The following GALNT17 variants were observed in gnomAD, a reference collection of about 807,000 sequenced individuals.
GALNT17 encodes the protein polypeptide N-acetylgalactosaminyltransferase 17.
GALNT17 carries 29 observed loss-of-function variants against 63.7 expected under a neutral mutation model. The observed-to-expected ratio is 0.46, with a 90% CI of 0.34 to 0.62. GALNT17 has a LOEUF of 0.62. Ranked by LOEUF, GALNT17 falls within the 20% of genes least tolerant of loss-of-function variation. The probability of loss-of-function intolerance (pLI) is 0.01; values close to 1 mark genes in which losing one functional copy is unlikely to be tolerated. For missense variants in GALNT17, 603 were observed against 799.6 expected (o/e 0.75, Z 2.97); for synonymous variants, 305 against 318.3 (o/e 0.96, Z 0.45).
At chr7:71,352,596 T>C (rs1215920172) in intron 2 of GALNT17, among the ~76,000 whole-genome samples, 1 of 152,172 alleles carries the variant, frequency 6.6e-6, no homozygotes, top group Non-Finnish European at 1.5e-5. Context: ...GGTTGAACAA[T>C]TTATGAATCT....
At chr7:71,334,350 G>A (rs970317399) in intron 1 of GALNT17, among the ~76,000 whole-genome samples, 8 of 152,090 alleles carry the variant, frequency 5.3e-5, no homozygotes, top group Admixed American at 1.3e-4. Context: ...GGGCGCTTCC[G>A]GCTGCCCAGG....
Position 71,188,428 on chromosome 7 carries a change from G to A in GALNT17, c.238+55388G>A, listed in dbSNP as rs538425238. Among the ~76,000 whole-genome samples the A allele has an allele frequency of 2.1e-3, 323 of 152,192 alleles. 1 individual carries two copies. Among genetic ancestry groups the A allele is most frequent in the Admixed American group, 4.7e-3 (72 of 15,252 alleles). On this transcript the variant is annotated intron_variant, in intron 1 of 10. Coordinates refer to ENST00000333538, the MANE Select transcript of GALNT17 (RefSeq NM_022479.3). ...TTTTTTTGATTATGGCGATTCTTGC[G>A]GGAGTCAGGTGGTATCACATTGTGG...
At chr7:71,225,324 C>T (rs934594394) in intron 1 of GALNT17, among the ~76,000 whole-genome samples, 7 of 152,226 alleles carry the variant, frequency 4.6e-5, no homozygotes, top group African/African-American at 1.4e-4. Context: ...TCAGGTAGAG[C>T]ATGCACTAGG....
chr7:71,301,539 G>A (rs978992514), intron 1 of GALNT17, among the ~76,000 whole-genome samples: 8 of 151,504 alleles, frequency 5.3e-5, no homozygotes, highest in African/African-American at 1.9e-4. Flanking sequence ...TGTTAGTCTT[G>A]TAGTCCTTTT....
intron 5 of GALNT17, among the ~76,000 whole-genome samples, chr7:71,566,984 G>A (rs1789359397): frequency 6.6e-6 from 1 of 152,150 alleles, no homozygotes; most frequent in African/African-American, 2.4e-5. Context: ...GTGGCGGCCT[G>A]AGCCCTGAAC....
At chr7:71,674,103 T>A (rs1365343447) in intron 8 of GALNT17, among the ~76,000 whole-genome samples, 1 of 152,230 alleles carries the variant, frequency 6.6e-6, no homozygotes. Flanking sequence ...TTACAAACTT[T>A]CTTTTTAAAA....
At chr7:71,137,578 C>T (rs1181055176) in intron 1 of GALNT17, among the ~76,000 whole-genome samples, 1 of 152,090 alleles carries the variant, frequency 6.6e-6, no homozygotes, top group Non-Finnish European at 1.5e-5. Flanking sequence ...AGGAAATAAC[C>T]TCAAGGCTGT....
chr7:71,668,430 C>T (rs905764316), intron 7 of GALNT17, among the ~76,000 whole-genome samples: 6 of 143,522 alleles, frequency 4.2e-5, no homozygotes, highest in Admixed American at 7.4e-5. Context: ...GCAGGAGAAT[C>T]GCTTGAACCT....
chr7:71,510,562 G>A (rs10243127), intron 5 of GALNT17, among the ~76,000 whole-genome samples: 35,976 of 151,916 alleles, frequency 0.24, 4,379 homozygotes, highest in Middle Eastern at 0.36. Flanking sequence ...GGGAGAACAC[G>A]GAATCCACCC....
chr7:71,479,999 A>ATTC (rs1787788039), intron 5 of GALNT17, among the ~76,000 whole-genome samples: 1 of 152,078 alleles, frequency 6.6e-6, no homozygotes, highest in Admixed American at 6.6e-5. Flanking sequence ...GAGCAGCTCT[A>ATTC]TCCTTTGAGA....
chr7:71,601,641 C>T (rs1011803055), intron 6 of GALNT17, among the ~76,000 whole-genome samples: 3 of 152,002 alleles, frequency 2.0e-5, no homozygotes, highest in African/African-American at 7.3e-5. Flanking sequence ...TATAATTAGC[C>T]AGGCATGGTA....
chr7:71,455,758 TAGG>T (rs1323542384), intron 5 of GALNT17, among the ~76,000 whole-genome samples: 1 of 152,196 alleles, frequency 6.6e-6, no homozygotes, highest in Admixed American at 6.5e-5. Flanking sequence ...TCACAGTGGC[TAGG>T]AGATGACTTC....
At chr7:71,443,820 G>C (rs891101832) in intron 5 of GALNT17, among the ~76,000 whole-genome samples, 2 of 151,640 alleles carry the variant, frequency 1.3e-5, no homozygotes, top group Non-Finnish European at 2.9e-5. Flanking sequence ...CACCTCCTGC[G>C]TTGAAGTCAT....
intron 2 of GALNT17, among the ~76,000 whole-genome samples, chr7:71,344,194 C>G (rs1792052224): frequency 1.3e-5 from 2 of 151,956 alleles, no homozygotes; most frequent in Admixed American, 1.3e-4. Flanking sequence ...GGAGTTTTCC[C>G]TCTAAAGGGG....
intron 8 of GALNT17, among the ~76,000 whole-genome samples, chr7:71,672,180 G>A (rs1210871823): frequency 6.6e-6 from 1 of 152,134 alleles, no homozygotes; most frequent in Non-Finnish European, 1.5e-5. Flanking sequence ...CAAACAATGG[G>A]CAGTGAATGG....
At chr7:71,530,656 C>T (rs1319466478) in intron 5 of GALNT17, among the ~76,000 whole-genome samples, 2 of 152,130 alleles carry the variant, frequency 1.3e-5, no homozygotes, top group South Asian at 2.1e-4. Flanking sequence ...TGCCTCCTGC[C>T]TCCTGGGTTC....
At chr7:71,670,292 T>TA (rs1791049795) in intron 8 of GALNT17, among the ~76,000 whole-genome samples, 183 bp downstream of exon 8, 2 of 152,170 alleles carry the variant, frequency 1.3e-5, no homozygotes, top group Non-Finnish European at 2.9e-5. Context: ...TGATGAATGT[T>TA]ACAATGGACT....
chr7:71,319,386 C>T (rs1055743661), intron 1 of GALNT17, among the ~76,000 whole-genome samples: 6 of 152,144 alleles, frequency 3.9e-5, no homozygotes, highest in East Asian at 3.9e-4. Context: ...TTTCCTTCTA[C>T]GTTCTTCTGT....
chr7:71,133,843 C>T (rs1787733097), intron 1 of GALNT17, among the ~76,000 whole-genome samples: 1 of 152,158 alleles, frequency 6.6e-6, no homozygotes, highest in Admixed American at 6.5e-5. Flanking sequence ...TGAGTGTTAC[C>T]TACCTGAGTA....
Sources: allele counts gnomAD v4.1 joint callset (sites outside exome capture counted in the v4.1 genomes callset), GRCh38; gene constraint gnomAD v4.1.1; transcripts MANE v1.5; gene names NCBI Gene and HGNC (gene_info 2026-07-23, HGNC 2026-07-21).